Variants in ADGRL3 observed in about 807,000 individuals in gnomAD.
ADGRL3 encodes the protein adhesion G protein-coupled receptor L3.
Under a neutral mutation model 153.5 loss-of-function variants are expected in ADGRL3, and 62 were observed. That is an observed-to-expected ratio of 0.40 (90% CI 0.33 to 0.50). ADGRL3 has a LOEUF of 0.50. Among genes scored for constraint, ADGRL3 ranks in the 20% least tolerant of loss-of-function variants. The probability of loss-of-function intolerance (pLI) is 0.47; values close to 1 mark genes in which losing one functional copy is unlikely to be tolerated. For missense variants in ADGRL3, 1,641 were observed against 1,859.4 expected, an observed-to-expected ratio of 0.88 and a Z score of 2.16; for synonymous variants, 710 against 672.5, an observed-to-expected ratio of 1.06 and a Z score of -0.86.
At chr4:61,654,112 A>T (rs1457067323) in intron 5 of ADGRL3, among the ~76,000 whole-genome samples, 2 of 152,192 alleles carry the variant, frequency 1.3e-5, no homozygotes, top group African/African-American at 4.8e-5. Flanking sequence ...GCAGGAGAGG[A>T]TTATACTAAC....
chr4:61,900,511 T>C (rs1054346822), intron 11 of ADGRL3, among the ~76,000 whole-genome samples: 3 of 152,162 alleles, frequency 2.0e-5, no homozygotes, highest in Admixed American at 6.6e-5. Context: ...GCGAATAAAC[T>C]AGCTGGAATA....
rs2099060911 is a variant in ADGRL3, at chr4:61,979,751, G to C, written c.2994G>C (p.Gly998=). 2.5e-6 allele frequency: 4 copies of C among 1,613,764 alleles called. No individual in the cohort carries two copies. Among genetic ancestry groups the C allele is most frequent in the Non-Finnish European group, 3.4e-6 (4 of 1,179,864 alleles). ...TAGCAGAGCTGCTCTTCCTGATTGG[G>C]ATCAACCGAACTGACCAACCAGTAA... The part of the protein sequence containing the change: ...LFVAELLFLI[G]INRTDQPIAC... The change falls in exon 18 of 27, where the codon GGG becomes GGC. Residue 998 remains glycine, a synonymous_variant. Transcript: ENST00000683033.
Position 61,670,397 on chromosome 4 carries a change from A to G in ADGRL3, c.474-6429A>G, listed in dbSNP as rs1318240217. On this transcript the variant is annotated intron_variant, in intron 5 of 26. Coordinates refer to ENST00000683033, the MANE Select transcript of ADGRL3 (RefSeq NM_001387552.1). ...GTCTATTATGTGAGAATTTTTAAAA[A>G]TATAGTTATGTTTAAGGCTTATTTT... Among the ~76,000 whole-genome samples the G allele has an allele frequency of 2.0e-5, 3 of 152,190 alleles. No individual in the cohort carries two copies. The East Asian group carries it at 5.8e-4, about 29-fold the overall frequency.
chr4:61,666,312 T>C (rs1325910215), intron 5 of ADGRL3, among the ~76,000 whole-genome samples: 1 of 152,164 alleles, frequency 6.6e-6, no homozygotes, highest in Admixed American at 6.5e-5. Flanking sequence ...TCCTTTTCTT[T>C]CCATTTCTCT....
At chr4:61,877,734 G>T (rs929878483) in intron 9 of ADGRL3, among the ~76,000 whole-genome samples, 2 of 152,074 alleles carry the variant, frequency 1.3e-5, no homozygotes, top group Non-Finnish European at 1.5e-5. Context: ...GTCTCATTTT[G>T]TCTTCACGTG....
At chr4:61,364,856 G>A (rs561455794) in intron 1 of ADGRL3, among the ~76,000 whole-genome samples, 22 of 152,244 alleles carry the variant, frequency 1.4e-4, no homozygotes, top group African/African-American at 4.3e-4. Context: ...GTACCTGAAC[G>A]TTAATGTCAT....
intron 13 of ADGRL3, among the ~76,000 whole-genome samples, chr4:61,927,760 T>C (rs1348264902): frequency 1.3e-5 from 2 of 152,104 alleles, no homozygotes; most frequent in Non-Finnish European, 2.9e-5. Context: ...ATGTGTCCTA[T>C]TCAGTAATGA....
intron 4 of ADGRL3, among the ~76,000 whole-genome samples, chr4:61,546,555 T>C (rs1188171947): frequency 6.6e-6 from 1 of 152,156 alleles, no homozygotes; most frequent in Non-Finnish European, 1.5e-5. Context: ...ATGTGTACAA[T>C]AGAAATACCA....
At chr4:61,677,106 T>A (rs779859204) in intron 6 of ADGRL3, 171 bp downstream of exon 6, 58 of 557,136 alleles carry the variant, frequency 1.0e-4, no homozygotes, top group Non-Finnish European at 1.4e-4. Flanking sequence ...AAGAATTAGA[T>A]ATTGCCTACC....
At chr4:61,438,085 GTTC>G (rs535457081) in intron 2 of ADGRL3, among the ~76,000 whole-genome samples, 21 of 152,086 alleles carry the variant, frequency 1.4e-4, no homozygotes, top group Non-Finnish European at 2.2e-4. Flanking sequence ...AACTTATTTT[GTTC>G]TTCTTGGAAT....
At chr4:61,630,553 C>G (rs555174195) in intron 5 of ADGRL3, among the ~76,000 whole-genome samples, 1 of 152,126 alleles carries the variant, frequency 6.6e-6, no homozygotes, top group Non-Finnish European at 1.5e-5. Flanking sequence ...CTCTTTGTAA[C>G]TCTCTCTTTT....
intron 2 of ADGRL3, among the ~76,000 whole-genome samples, chr4:61,404,754 A>G (rs900217879): frequency 6.6e-6 from 1 of 152,126 alleles, no homozygotes; most frequent in Non-Finnish European, 1.5e-5. Context: ...TCTGTTTAAT[A>G]TTAATCAAGA....
intron 9 of ADGRL3, among the ~76,000 whole-genome samples, chr4:61,839,521 A>G (rs1213067548): frequency 2.0e-5 from 3 of 152,126 alleles, no homozygotes; most frequent in East Asian, 3.9e-4. Context: ...TAAGAGGAAA[A>G]AAAAGTATAC....
At chr4:62,044,771 A>T (rs913221023) in intron 25 of ADGRL3, among the ~76,000 whole-genome samples, 3 of 152,040 alleles carry the variant, frequency 2.0e-5, no homozygotes, top group Non-Finnish European at 4.4e-5. Flanking sequence ...ATTAGAAAAT[A>T]AAAAACTTTT....
At chr4:61,711,019 T>G in intron 6 of ADGRL3, among the ~76,000 whole-genome samples, 1 of 152,110 alleles carries the variant, frequency 6.6e-6, no homozygotes, top group East Asian at 1.9e-4. Flanking sequence ...GATGGCACAT[T>G]TATAAAGGAT....
chr4:61,961,357 G>T (rs2098987086), intron 17 of ADGRL3, among the ~76,000 whole-genome samples: 1 of 152,164 alleles, frequency 6.6e-6, no homozygotes, highest in Admixed American at 6.5e-5. Flanking sequence ...TGCATACAAT[G>T]GGCAGAGAAA....
intron 9 of ADGRL3, among the ~76,000 whole-genome samples, chr4:61,863,131 C>T (rs1053441448): frequency 2.6e-5 from 4 of 151,854 alleles, no homozygotes; most frequent in African/African-American, 7.3e-5. Flanking sequence ...TTTTTCATTC[C>T]GACATTCCAC....
chr4:61,771,392 T>C (rs1432982279), intron 8 of ADGRL3, among the ~76,000 whole-genome samples: 1 of 152,148 alleles, frequency 6.6e-6, no homozygotes, highest in Non-Finnish European at 1.5e-5. Flanking sequence ...GCCTCAAAAA[T>C]AGTTCCTCTC....
chr4:61,760,075 G>T (rs2096891457), intron 8 of ADGRL3, among the ~76,000 whole-genome samples: 1 of 152,176 alleles, frequency 6.6e-6, no homozygotes, highest in Admixed American at 6.5e-5. Context: ...GTGTCAGTCT[G>T]CCCCTACCTC....
Sources: gnomAD v4.1 joint callset for allele counts (sites outside exome capture counted in the v4.1 genomes callset) on GRCh38, gnomAD v4.1.1 for gene constraint, MANE v1.5 for transcripts, NCBI Gene and HGNC (gene_info 2026-07-23, HGNC 2026-07-21) for gene names.